The following LMO7 variants were observed in gnomAD, a reference collection of about 807,000 sequenced individuals.
The protein encoded by LMO7 is LIM domain 7.
LMO7 carries 120 observed loss-of-function variants against 206.5 expected under a neutral mutation model. That is an observed-to-expected ratio of 0.58 (90% CI 0.50 to 0.68). LMO7 has a LOEUF of 0.68. LMO7 is among the 30% of genes least tolerant of loss of function. The pLI, the probability that LMO7 is intolerant of heterozygous loss-of-function variation, is 0.00. For missense variants in LMO7, 1,959 were observed against 1,957.9 expected (o/e 1.00, Z -0.01); for synonymous variants, 706 against 681.5 (o/e 1.04, Z -0.56).
chr13:75,732,954 G>A (rs570340955), intron 3 of LMO7, among the ~76,000 whole-genome samples: 31 of 152,280 alleles, frequency 2.0e-4, no homozygotes, highest in African/African-American at 5.8e-4. Context: ...CGTGAACCGC[G>A]AATGCTGCTG....
At chr13:75,668,164 C>T (rs940005668) in intron 1 of LMO7, among the ~76,000 whole-genome samples, 7 of 152,128 alleles carry the variant, frequency 4.6e-5, no homozygotes, top group East Asian at 1.9e-4. Flanking sequence ...GCCAAGATTG[C>T]GCCACTACAC....
At chr13:75,684,061 A>C (rs1172993508) in intron 1 of LMO7, among the ~76,000 whole-genome samples, 1 of 152,126 alleles carries the variant, frequency 6.6e-6, no homozygotes, top group Non-Finnish European at 1.5e-5. Flanking sequence ...AGAATGAGGC[A>C]TCTGACCCCC....
rs150030438 is a variant in LMO7, at chr13:75,749,213, A to C, written c.211-11719A>C. Among the ~76,000 whole-genome samples, 548 of 152,318 alleles carry C rather than the reference A, an allele frequency of 3.6e-3. 5 individuals are homozygous for C. Among genetic ancestry groups the C allele is most frequent in the Non-Finnish European group, 5.7e-3 (386 of 68,028 alleles). ...GGACAGGTTGCACTAAAGGTGCCCC[A>C]ATTTCTAGCCGGCTTTAAAGTTTTA... On this transcript the variant is annotated intron_variant, in intron 3 of 30. Coordinates refer to ENST00000377534, the MANE Select transcript of LMO7 (RefSeq NM_001306080.2).
At chr13:75,734,154 G>A (rs910477453) in intron 3 of LMO7, among the ~76,000 whole-genome samples, 2 of 152,196 alleles carry the variant, frequency 1.3e-5, no homozygotes, top group African/African-American at 4.8e-5. Context: ...TAAAATGAAT[G>A]TGATGGTTCT....
intron 1 of LMO7, among the ~76,000 whole-genome samples, chr13:75,711,163 T>G (rs1284755183): frequency 1.3e-5 from 2 of 152,234 alleles, no homozygotes; most frequent in Admixed American, 1.3e-4. Flanking sequence ...TTGATCATGG[T>G]GGATAAGCTT....
chr13:75,643,570 G>C (rs373455764), intron 1 of LMO7, among the ~76,000 whole-genome samples: 158 of 152,304 alleles, frequency 1.0e-3, no homozygotes, highest in African/African-American at 3.2e-3. Context: ...AAATGTGTTA[G>C]AGCCTGAGGA....
At chr13:75,732,236 A>G (rs1438716040) in intron 3 of LMO7, among the ~76,000 whole-genome samples, 1 of 151,886 alleles carries the variant, frequency 6.6e-6, no homozygotes, top group Non-Finnish European at 1.5e-5. Context: ...ACTTGGTTCC[A>G]TTCTCCCCGT....
At chr13:75,850,979 A>G (rs1162794160) in intron 27 of LMO7, among the ~76,000 whole-genome samples, 1 of 152,214 alleles carries the variant, frequency 6.6e-6, no homozygotes, top group African/African-American at 2.4e-5. Flanking sequence ...GGGCCTCTCC[A>G]CATAGTTTTT....
chr13:75,637,040 C>T (rs2035973921), intron 1 of LMO7, among the ~76,000 whole-genome samples: 1 of 152,202 alleles, frequency 6.6e-6, no homozygotes, highest in Non-Finnish European at 1.5e-5. Flanking sequence ...CCCTGGCTCG[C>T]CCGGGGCGTC....
chr13:75,692,572 C>T (rs913598546), intron 1 of LMO7, among the ~76,000 whole-genome samples: 4 of 151,782 alleles, frequency 2.6e-5, no homozygotes, highest in South Asian at 4.2e-4. Context: ...TTTTTTTGTA[C>T]GTAGGGTCTT....
intron 9 of LMO7, chr13:75,806,245 G>A: frequency 1.0e-6 from 1 of 990,244 alleles, no homozygotes; most frequent in Non-Finnish European, 1.2e-6. Context: ...AAGCAGTAGT[G>A]CTTCGGATGA....
intron 26 of LMO7, among the ~76,000 whole-genome samples, chr13:75,846,740 G>A (rs1212126048): frequency 1.3e-5 from 2 of 152,090 alleles, no homozygotes; most frequent in Non-Finnish European, 2.9e-5. Flanking sequence ...AGCAGGCAGT[G>A]GAAGTTATTA....
At chr13:75,723,382 G>T (rs112711441) in intron 2 of LMO7, among the ~76,000 whole-genome samples, 1 of 151,908 alleles carries the variant, frequency 6.6e-6, no homozygotes, top group African/African-American at 2.4e-5. Flanking sequence ...AGGTTAAAAA[G>T]TTCATTCAGT....
At chr13:75,801,002 A>T (rs1395251425) in intron 7 of LMO7, 120 bp downstream of exon 7, 6 of 844,534 alleles carry the variant, frequency 7.1e-6, no homozygotes, top group African/African-American at 1.7e-5. Context: ...GTGGATTTTC[A>T]TAGAGACTGG....
intron 25 of LMO7, 68 bp downstream of exon 25, chr13:75,842,984 T>C (rs765751960): frequency 1.0e-6 from 1 of 999,276 alleles, no homozygotes; most frequent in Non-Finnish European, 1.6e-6. Flanking sequence ...AGAGCTTGCA[T>C]CGATGATTTG....
At chr13:75,722,611 T>C (rs1412237248) in intron 2 of LMO7, among the ~76,000 whole-genome samples, 3 of 152,166 alleles carry the variant, frequency 2.0e-5, no homozygotes, top group African/African-American at 7.2e-5. Context: ...TGTAAACTAG[T>C]ACAGCCACTG....
rs577892786 is a variant in LMO7, at chr13:75,654,689, G to A, written c.69+17963G>A. Among the ~76,000 whole-genome samples the A allele has an allele frequency of 2.6e-4, 39 of 152,256 alleles. No homozygotes were observed. In the South Asian group the frequency reaches 2.7e-3, roughly 11 times the overall value. ...GAATTTTCCTAGCAGGATTTTCTTT[G>A]TGATTTTCCTTACTTAACATTATTA... On this transcript the variant is annotated intron_variant, in intron 1 of 30. Coordinates refer to ENST00000377534, the MANE Select transcript of LMO7 (RefSeq NM_001306080.2).
intron 3 of LMO7, among the ~76,000 whole-genome samples, chr13:75,748,103 C>T (rs1487283566): frequency 6.6e-6 from 1 of 152,106 alleles, no homozygotes; most frequent in Non-Finnish European, 1.5e-5. Flanking sequence ...ATGCAGGTGG[C>T]TTCTGGAAGC....
At chr13:75,809,980 T>C (rs1051157232) in intron 11 of LMO7, among the ~76,000 whole-genome samples, 3 of 152,044 alleles carry the variant, frequency 2.0e-5, no homozygotes, top group Admixed American at 6.6e-5. Context: ...TACAGTTGCA[T>C]GCCACCACAC....
Sources: allele counts gnomAD v4.1 joint callset (sites outside exome capture counted in the v4.1 genomes callset), GRCh38; gene constraint gnomAD v4.1.1; transcripts MANE v1.5; gene names NCBI Gene and HGNC (gene_info 2026-07-23, HGNC 2026-07-21).